EXT1: variants seen among roughly 807,000 people sequenced by gnomAD.
EXT1 encodes the protein exostosin glycosyltransferase 1, also known as exostosin-1.
EXT1 carries 20 observed loss-of-function variants against 82.5 expected under a neutral mutation model. The observed-to-expected ratio is 0.24, with a 90% CI of 0.17 to 0.35. EXT1 has a LOEUF of 0.35. EXT1 is among the 10% of genes least tolerant of loss of function. The probability of loss-of-function intolerance (pLI) is 1.00; values close to 1 mark genes in which losing one functional copy is unlikely to be tolerated. For missense variants in EXT1, 757 were observed against 936.5 expected (o/e 0.81, Z 2.50); for synonymous variants, 348 against 350.8 (o/e 0.99, Z 0.09).
At chr8:117,978,103 C>G (rs1815107594) in intron 1 of EXT1, among the ~76,000 whole-genome samples, 1 of 152,204 alleles carries the variant, frequency 6.6e-6, no homozygotes, top group Admixed American at 6.5e-5. Context: ...GCTCTGTCCC[C>G]AGGATGTACA....
intron 1 of EXT1, among the ~76,000 whole-genome samples, chr8:118,088,146 A>C (rs937685109): frequency 2.6e-5 from 4 of 152,138 alleles, no homozygotes; most frequent in African/African-American, 9.7e-5. Flanking sequence ...TTGGGAACTC[A>C]AATCAGCAAG....
At chr8:117,812,648 G>C (rs1291799757) in intron 8 of EXT1, among the ~76,000 whole-genome samples, 1 of 152,198 alleles carries the variant, frequency 6.6e-6, no homozygotes, top group African/African-American at 2.4e-5. Flanking sequence ...ATGCAAATGA[G>C]GAGCCAATTA....
intron 1 of EXT1, among the ~76,000 whole-genome samples, chr8:118,055,589 A>G (rs954341197): frequency 2.0e-5 from 3 of 152,216 alleles, no homozygotes; most frequent in Non-Finnish European, 2.9e-5. Flanking sequence ...CTCTTTTTGA[A>G]TGCATACCAG....
At chr8:117,827,532 G>C (rs939394894) in intron 4 of EXT1, among the ~76,000 whole-genome samples, 2 of 151,898 alleles carry the variant, frequency 1.3e-5, no homozygotes, top group African/African-American at 4.8e-5. Context: ...AAATGTATTG[G>C]GGCTGGGCAT....
intron 3 of EXT1, chr8:117,831,646 A>G (rs1472559959): frequency 2.1e-6 from 1 of 471,054 alleles, no homozygotes; most frequent in African/African-American, 2.0e-5. Flanking sequence ...TCCGACAGAT[A>G]TGGGAGTCTG....
At chr8:117,961,150 T>TTCCC (rs2129717244) in intron 1 of EXT1, among the ~76,000 whole-genome samples, 1 of 152,194 alleles carries the variant, frequency 6.6e-6, no homozygotes, top group East Asian at 1.9e-4. Context: ...CCTTCCTTCC[T>TTCCC]TCCCTCCCTT....
intron 3 of EXT1, among the ~76,000 whole-genome samples, chr8:117,833,250 C>A (rs1487139989): frequency 6.6e-6 from 1 of 152,190 alleles, no homozygotes; most frequent in East Asian, 1.9e-4. Flanking sequence ...TGACAAAAAT[C>A]AAAATCTTTA....
intron 1 of EXT1, among the ~76,000 whole-genome samples, chr8:117,965,234 T>C (rs1814785735): frequency 6.6e-6 from 1 of 152,156 alleles, no homozygotes; most frequent in East Asian, 1.9e-4. Flanking sequence ...GTTGTTTTTC[T>C]TTAGTCCTAA....
At chr8:117,802,311 G>C (rs1823178400) in intron 10 of EXT1, among the ~76,000 whole-genome samples, 1 of 152,060 alleles carries the variant, frequency 6.6e-6, no homozygotes, top group Admixed American at 6.5e-5. Context: ...AGAACTCTGA[G>C]TAAAAAAATA....
intron 1 of EXT1, among the ~76,000 whole-genome samples, chr8:117,936,905 T>C (rs144798398): frequency 5.0e-4 from 74 of 147,440 alleles, no homozygotes; most frequent in East Asian, 1.7e-3. Context: ...AACAAACAAA[T>C]AAATAAATAA....
intron 1 of EXT1, among the ~76,000 whole-genome samples, chr8:117,998,128 C>T (rs1241661632): frequency 1.3e-5 from 2 of 151,614 alleles, no homozygotes; most frequent in African/African-American, 4.9e-5. Flanking sequence ...ATTCTCCTGC[C>T]TCAGCCTCCT....
At chr8:117,986,200 T>C (rs1275171692) in intron 1 of EXT1, among the ~76,000 whole-genome samples, 26 of 150,000 alleles carry the variant, frequency 1.7e-4, no homozygotes, top group African/African-American at 5.4e-4. Context: ...TTTTTTTTTT[T>C]TTTTTTTGAG....
At chr8:118,079,646 T>C (rs1405302874) in intron 1 of EXT1, among the ~76,000 whole-genome samples, 1 of 152,052 alleles carries the variant, frequency 6.6e-6, no homozygotes, top group Admixed American at 6.6e-5. Context: ...AGCCATTTCT[T>C]CTAACACCGC....
intron 1 of EXT1, among the ~76,000 whole-genome samples, chr8:118,047,257 C>T (rs1043265367): frequency 6.6e-6 from 1 of 152,120 alleles, no homozygotes; most frequent in Non-Finnish European, 1.5e-5. Context: ...TTACTAATAA[C>T]GTGACCTTGG....
At chr8:117,811,656 A>G (rs1823326229) in intron 8 of EXT1, among the ~76,000 whole-genome samples, 1 of 149,042 alleles carries the variant, frequency 6.7e-6, no homozygotes, top group Non-Finnish European at 1.5e-5. Context: ...TCGCTCTGTC[A>G]CCCAGGCTGG....
At chr8:117,956,008 A>C (rs1360111563) in intron 1 of EXT1, among the ~76,000 whole-genome samples, 3 of 152,248 alleles carry the variant, frequency 2.0e-5, no homozygotes, top group Admixed American at 1.3e-4. Context: ...TGGAACATTA[A>C]CATAATGAGA....
intron 1 of EXT1, among the ~76,000 whole-genome samples, chr8:118,007,141 C>T (rs1815794540): frequency 6.6e-6 from 1 of 151,964 alleles, no homozygotes; most frequent in Non-Finnish European, 1.5e-5. Context: ...ACTAAAAATA[C>T]AAAAAATTAG....
chr8:118,037,325 G>A (rs1387690164), intron 1 of EXT1, among the ~76,000 whole-genome samples: 1 of 151,542 alleles, frequency 6.6e-6, no homozygotes, highest in Non-Finnish European at 1.5e-5. Context: ...ACATGTATCT[G>A]AAAATGCCAA....
In EXT1 at chr8:117,998,533, C is replaced by A. The variant is rs957337048; in HGVS notation, c.962+111552G>T. On this transcript the variant is annotated intron_variant, in intron 1 of 10. Transcript: ENST00000378204. Reference sequence around the variant, plus strand: ...CCAACTCTTGACCTCAAGTGATGCTCCCTCCTCACCTCCCAAAGTGCTGGG... The same window carrying A: ...CCAACTCTTGACCTCAAGTGATGCTACCTCCTCACCTCCCAAAGTGCTGGG... 1.3e-5 allele frequency among the ~76,000 whole-genome samples: 2 copies of A among 152,120 alleles called. 1 individual carries two copies. The highest frequency in any genetic ancestry group is 4.1e-4 in the South Asian group (2 of 4,820).
Sources: gnomAD v4.1 joint callset for allele counts (sites outside exome capture counted in the v4.1 genomes callset) on GRCh38, gnomAD v4.1.1 for gene constraint, MANE v1.5 for transcripts, NCBI Gene and HGNC (gene_info 2026-07-23, HGNC 2026-07-21) for gene names.